Variants in ALK observed in about 807,000 individuals in gnomAD.
ALK encodes ALK receptor tyrosine kinase, also known as ALK tyrosine kinase receptor.
ALK carries 74 observed loss-of-function variants against 163.1 expected under a neutral mutation model. The ratio of observed to expected loss-of-function variants is 0.45; its 90% CI spans 0.38 to 0.55. The LOEUF is 0.55. ALK is among the 20% of genes least tolerant of loss of function. ALK has a pLI of 0.00. For missense variants in ALK, 2,063 were observed against 2,105.3 expected, an observed-to-expected ratio of 0.98 and a Z score of 0.39; for synonymous variants, 960 against 843.2, an observed-to-expected ratio of 1.14 and a Z score of -2.40.
intron 1 of ALK, among the ~76,000 whole-genome samples, chr2:29,852,003 T>C (rs1233353334): frequency 6.6e-6 from 1 of 152,184 alleles, no homozygotes; most frequent in Non-Finnish European, 1.5e-5. Context: ...CAAAGAAAAG[T>C]TTCTTCATAT....
chr2:29,494,247 T>C (rs371726690), intron 4 of ALK, among the ~76,000 whole-genome samples: 20 of 152,332 alleles, frequency 1.3e-4, no homozygotes, highest in African/African-American at 4.3e-4. Flanking sequence ...ATAATAATAG[T>C]ATCAAGAGAA....
intron 13 of ALK, among the ~76,000 whole-genome samples, chr2:29,238,036 T>C (rs916234248): frequency 6.6e-6 from 1 of 152,050 alleles, no homozygotes; most frequent in Non-Finnish European, 1.5e-5. Context: ...TGTGCACATG[T>C]GCTGTGTTTG....
At chr2:29,634,509 AG>A (rs1676468294) in intron 3 of ALK, among the ~76,000 whole-genome samples, 1 of 152,210 alleles carries the variant, frequency 6.6e-6, no homozygotes, top group Non-Finnish European at 1.5e-5. Flanking sequence ...CATATTGACA[AG>A]CTAAAGAAGA....
intron 26 of ALK, among the ~76,000 whole-genome samples, chr2:29,201,848 A>G (rs1038131891): frequency 1.3e-5 from 2 of 151,626 alleles, no homozygotes; most frequent in African/African-American, 4.9e-5. Flanking sequence ...ACCAAGCCAC[A>G]TCGCTCTCCT....
chr2:29,737,310 C>A (rs1440525691), intron 1 of ALK, among the ~76,000 whole-genome samples: 1 of 151,908 alleles, frequency 6.6e-6, no homozygotes, highest in East Asian at 1.9e-4. Flanking sequence ...TGTATTTTTT[C>A]ATTATGTTTT....
chr2:29,629,759 C>G lies in ALK; in HGVS notation c.952+65091G>C, dbSNP rs530058130. On this transcript the variant is annotated intron_variant, in intron 3 of 28. Coordinates refer to ENST00000389048, the MANE Select transcript of ALK (RefSeq NM_004304.5). ...GATCTTGGCTAATCCTGACAGCAAC[C>G]CTCTGAGGTACAGACAGTTATTAGT... 3.9e-5 allele frequency among the ~76,000 whole-genome samples: 6 copies of G among 152,192 alleles called. No individual in the cohort carries two copies. The South Asian group carries it at 1.2e-3, about 32-fold the overall frequency.
intron 9 of ALK, among the ~76,000 whole-genome samples, chr2:29,294,617 G>A (rs1484471090): frequency 6.6e-6 from 1 of 152,124 alleles, no homozygotes; most frequent in Admixed American, 6.5e-5. Flanking sequence ...TATTACTGAG[G>A]CCAAATAACT....
intron 1 of ALK, among the ~76,000 whole-genome samples, chr2:29,874,031 C>T (rs1364441155): frequency 6.6e-6 from 1 of 152,148 alleles, no homozygotes; most frequent in Non-Finnish European, 1.5e-5. Flanking sequence ...ACAATGACCT[C>T]CCCAACCCTA....
At chr2:29,226,383 CAGA>C (rs1388591555) in intron 18 of ALK, among the ~76,000 whole-genome samples, 2 of 147,136 alleles carry the variant, frequency 1.4e-5, no homozygotes, top group Non-Finnish European at 3.0e-5. Context: ...GAGGCTGAGG[CAGA>C]AGAATTGTTT....
chr2:29,486,708 AGT>A (rs1190481203), intron 4 of ALK, among the ~76,000 whole-genome samples: 2 of 152,212 alleles, frequency 1.3e-5, no homozygotes, highest in African/African-American at 4.8e-5. Context: ...TTGCTTTCAC[AGT>A]GTGTTTTGTC....
At chr2:29,789,306 A>G (rs1664128668) in intron 1 of ALK, among the ~76,000 whole-genome samples, 1 of 152,088 alleles carries the variant, frequency 6.6e-6, no homozygotes, top group African/African-American at 2.4e-5. Flanking sequence ...ATATCATCAC[A>G]CCTCCTTGTA....
In ALK at chr2:29,213,977, G is replaced by GACTC. The variant is rs1669531978; in HGVS notation, c.3743+3_3743+6dup. 6.2e-7 allele frequency: 1 copy of GACTC among 1,612,106 alleles called. No individual in the cohort carries two copies. The highest frequency in any genetic ancestry group is 8.5e-7 in the Non-Finnish European group (1 of 1,178,292). On this transcript the variant is annotated splice_region_variant and intron_variant, in intron 24 of 28. Coordinates refer to ENST00000389048, the MANE Select transcript of ALK (RefSeq NM_004304.5). ...ATGACAGGAAGAGCACAGTCACTTT[G>GACTC]ACTCACCGGTGGATGAAGTGGTTTT... is the stretch of plus-strand genomic sequence containing the variant.
intron 3 of ALK, among the ~76,000 whole-genome samples, chr2:29,549,050 C>A (rs1041513163): frequency 5.1e-5 from 7 of 137,700 alleles, no homozygotes; most frequent in African/African-American, 1.9e-4. Context: ...AGGAGAAGAC[C>A]AGCAGGAGGA....
chr2:29,788,408 G>T (rs781293629), intron 1 of ALK, among the ~76,000 whole-genome samples: 2 of 152,200 alleles, frequency 1.3e-5, no homozygotes, highest in Admixed American at 6.5e-5. Context: ...CCAACAGCCT[G>T]CTGTGGAGAC....
At chr2:29,509,146 G>T (rs1672438478) in intron 4 of ALK, among the ~76,000 whole-genome samples, 1 of 152,138 alleles carries the variant, frequency 6.6e-6, no homozygotes, top group African/African-American at 2.4e-5. Flanking sequence ...AGGGAAAAGA[G>T]AGTCAATTTT....
intron 9 of ALK, among the ~76,000 whole-genome samples, chr2:29,281,687 C>T (rs1236558002): frequency 6.6e-6 from 1 of 152,194 alleles, no homozygotes; most frequent in Non-Finnish European, 1.5e-5. Flanking sequence ...TCTCATTCAG[C>T]TCTACAGAGA....
Position 29,695,072 on chromosome 2 carries a change from C to T in ALK, c.788-58G>A, listed in dbSNP as rs1318183087. ...CCATTTCCCAAACGTGACTTTTCAG[C>T]CCCCTCCACTCCACACTAGGAGGTT... On this transcript the variant is annotated intron_variant, in intron 2 of 28. Coordinates refer to ENST00000389048, the MANE Select transcript of ALK (RefSeq NM_004304.5). The T allele has an allele frequency of 1.2e-5, 19 of 1,601,342 alleles. No individual in the cohort carries two copies. The African/African-American group carries it at 1.2e-4, about 10-fold the overall frequency.
intron 6 of ALK, among the ~76,000 whole-genome samples, chr2:29,327,365 G>T (rs144757281): frequency 7.2e-4 from 109 of 152,304 alleles, no homozygotes; most frequent in African/African-American, 2.4e-3. Context: ...CCCACAGAGA[G>T]GAAGAGAGAC....
chr2:29,193,221 A>C lies in ALK; in HGVS notation c.*3T>G, dbSNP rs768295861. 4.3e-6 allele frequency: 7 copies of C among 1,613,850 alleles called. No individual in the cohort carries two copies. Among genetic ancestry groups the C allele is most frequent in the South Asian group, 3.3e-5 (3 of 91,048 alleles). Reference sequence around the variant, plus strand: ...AGGAAGAGAAGTGAGTGTGCGACCGAGCTCAGGGCCCAGGCTGGTTCATGC... The same window carrying C: ...AGGAAGAGAAGTGAGTGTGCGACCGCGCTCAGGGCCCAGGCTGGTTCATGC... On this transcript the variant is annotated 3_prime_UTR_variant, in exon 29 of 29. Transcript: ENST00000389048.
Sources: gnomAD v4.1 joint callset for allele counts (sites outside exome capture counted in the v4.1 genomes callset) on GRCh38, gnomAD v4.1.1 for gene constraint, MANE v1.5 for transcripts, NCBI Gene and HGNC (gene_info 2026-07-23, HGNC 2026-07-21) for gene names.